Variants in UBE2F observed in about 807,000 individuals in gnomAD.
UBE2F encodes NEDD8-conjugating enzyme UBE2F.
A neutral mutation model predicts 29.6 loss-of-function variants in UBE2F; 5 were observed. The observed-to-expected ratio is 0.17, with a 90% CI of 0.09 to 0.36. The LOEUF (loss-of-function observed/expected upper bound fraction) is 0.36, where lower values mean the gene tolerates loss of function less well. Ranked by LOEUF, UBE2F falls within the 10% of genes least tolerant of loss-of-function variation. The probability of loss-of-function intolerance (pLI) is 1.00; values close to 1 mark genes in which losing one functional copy is unlikely to be tolerated. For missense variants in UBE2F, 141 were observed against 228.5 expected, an observed-to-expected ratio of 0.62 and a Z score of 2.47; for synonymous variants, 66 against 81.8, an observed-to-expected ratio of 0.81 and a Z score of 1.04.
At position 237,978,097 on chromosome 2, in the gene UBE2F, G is replaced by A. The variant is rs548860175; in HGVS notation, c.118+4872G>A. Among the ~76,000 whole-genome samples, 6 of 152,314 alleles carry A rather than the reference G, an allele frequency of 3.9e-5. No homozygotes were observed. The South Asian group carries it at 1.2e-3, about 32-fold the overall frequency. On this transcript the variant is annotated intron_variant, in intron 2 of 9. Transcript: ENST00000272930. ...AGCACAAGCACAGCCCTTCAGAGCT[G>A]TCCCCAGTCTGGTGAGATAGTCAGG...
chr2:237,967,254 T>A lies in UBE2F; in HGVS notation c.-17+122T>A. 1.6e-6 allele frequency: 1 copy of A among 642,384 alleles called. No homozygotes were observed. The highest frequency in any genetic ancestry group is 1.9e-6 in the Non-Finnish European group (1 of 518,892). The allele number at this position is 642,384 out of a possible 1,614,324, so 39.8% of individuals were successfully genotyped here. On this transcript the variant is annotated intron_variant, in intron 1 of 9. Transcript: ENST00000272930. The surrounding 1 kb of genome is among the most constrained non-coding windows in gnomAD (Gnocchi z 6.3). ...GGCCGCCTCGGGCCCGCCGGGTTCC[T>A]CACGCCGGGGGCCTGGCGGGCGCGG... is the stretch of plus-strand genomic sequence containing the variant.
chr2:237,967,240 G>C lies in UBE2F; in HGVS notation c.-17+108G>C, dbSNP rs1166026959. 3 of 771,040 alleles carry C rather than the reference G, an allele frequency of 3.9e-6. No homozygotes were observed. Among genetic ancestry groups the C allele is most frequent in the Non-Finnish European group, 4.7e-6 (3 of 635,426 alleles). The allele number at this position is 771,040 out of a possible 1,614,324, so 47.8% of individuals were successfully genotyped here. ...GCGGGCGGTGGCGGGGCCGCCTCGG[G>C]CCCGCCGGGTTCCTCACGCCGGGGG... On this transcript the variant is annotated intron_variant, in intron 1 of 9. Transcript: ENST00000272930. This position sits in a 1 kb window ranked among gnomAD's most constrained non-coding sequence, Gnocchi z 6.3.
At chr2:237,983,278 C>T (rs1171210975) in intron 2 of UBE2F, among the ~76,000 whole-genome samples, 1 of 152,270 alleles carries the variant, frequency 6.6e-6, no homozygotes, top group Non-Finnish European at 1.5e-5. Flanking sequence ...CCACACTCAG[C>T]TCCGCTGAAG....
rs2063401814 is a variant in UBE2F at position 237,982,544 on chromosome 2, C to T, written c.119-5419C>T. ...AAAGCTGGATGACAGGAGTTATCAC[C>T]CTCTACTGAGGTGGCTTGGGCCACT... On this transcript the variant is annotated intron_variant, in intron 2 of 9. Transcript: ENST00000272930. The surrounding 1 kb of genome is among the most constrained non-coding windows in gnomAD (Gnocchi z 4.1). 6.6e-6 allele frequency among the ~76,000 whole-genome samples: 1 copy of T among 152,144 alleles called. No homozygotes were observed. Among genetic ancestry groups the T allele is most frequent in the Non-Finnish European group, 1.5e-5 (1 of 68,032 alleles).
chr2:238,017,573 C>G (rs1300777189), intron 5 of UBE2F, among the ~76,000 whole-genome samples: 1 of 152,112 alleles, frequency 6.6e-6, no homozygotes, highest in African/African-American at 2.4e-5. Flanking sequence ...TTCCACACCC[C>G]CAAGTTGGGG....
chr2:238,027,865 C>T (rs2064469961), intron 6 of UBE2F, among the ~76,000 whole-genome samples: 1 of 152,212 alleles, frequency 6.6e-6, no homozygotes, highest in African/African-American at 2.4e-5. Flanking sequence ...CACACAGGAG[C>T]ACCTTCCTCT....
chr2:237,990,272 G>A (rs1296234140), intron 3 of UBE2F, among the ~76,000 whole-genome samples: 1 of 151,512 alleles, frequency 6.6e-6, no homozygotes, highest in African/African-American at 2.4e-5. Context: ...GCTGGGGGAT[G>A]GGTTCATTAT....
intron 2 of UBE2F, among the ~76,000 whole-genome samples, chr2:237,974,501 G>GTTTTTTTTTTTTTTTTTTTT (rs370519965): frequency 2.8e-5 from 3 of 108,582 alleles, no homozygotes; most frequent in African/African-American, 7.6e-5. Flanking sequence ...AATTTTTGTG[G>GTTTTTTTTTTTTTTTTTTTT]TTTTTTTTTT....
In UBE2F at chr2:238,035,901, A is replaced by G; in HGVS notation, c.468A>G (p.Pro156=). Residue 156 remains proline, a synonymous_variant, in exon 9 of 10, where the codon CCA becomes CCG. Transcript: ENST00000272930. The part of the protein sequence containing the change: ...LFTDLLNFDD[P]LNIEAAEHHL... The stretch of plus-strand genomic sequence containing the variant: ...AGGATCTTTTGAATTTTGATGATCC[A>G]CTGAATATTGAAGCTGCAGAACATC... The G allele has an allele frequency of 6.2e-7, 1 of 1,613,054 alleles. No homozygotes were observed. The highest frequency in any genetic ancestry group is 8.5e-7 in the Non-Finnish European group (1 of 1,179,944).
intron 5 of UBE2F, among the ~76,000 whole-genome samples, chr2:238,018,225 G>A (rs1028615271): frequency 6.6e-6 from 1 of 151,988 alleles, no homozygotes; most frequent in African/African-American, 2.4e-5. Context: ...TAGAATTTGG[G>A]GACTCTTTGG....
chr2:237,969,401 G>A (rs547976014), intron 1 of UBE2F, among the ~76,000 whole-genome samples: 2 of 152,286 alleles, frequency 1.3e-5, no homozygotes, highest in East Asian at 3.9e-4. Flanking sequence ...GCTGCATGTG[G>A]CCCTGGTGCT....
At chr2:237,969,127 A>G (rs530116608) in intron 1 of UBE2F, among the ~76,000 whole-genome samples, 2 of 152,318 alleles carry the variant, frequency 1.3e-5, no homozygotes, top group East Asian at 3.9e-4. Flanking sequence ...CTTTCTATGG[A>G]AAACAAAGCA....
At chr2:238,012,920 C>A (rs1034183735) in intron 4 of UBE2F, among the ~76,000 whole-genome samples, 7 of 152,178 alleles carry the variant, frequency 4.6e-5, no homozygotes, top group Non-Finnish European at 1.0e-4. Flanking sequence ...AGTGTCTGAA[C>A]CCAAGACACT....
At chr2:237,988,094 G>A (rs1422134873) in intron 3 of UBE2F, 102 bp downstream of exon 3, 3 of 657,392 alleles carry the variant, frequency 4.6e-6, no homozygotes, top group Non-Finnish European at 2.5e-6. Flanking sequence ...TATTTTTCAT[G>A]TATGTTAGGA....
intron 3 of UBE2F, among the ~76,000 whole-genome samples, chr2:237,988,407 C>T (rs1158736029): frequency 6.6e-6 from 1 of 151,044 alleles, no homozygotes; most frequent in East Asian, 1.9e-4. Context: ...GAGATCAGGC[C>T]ACTGCACTCC....
intron 4 of UBE2F, among the ~76,000 whole-genome samples, chr2:238,003,939 A>G (rs181796293): frequency 7.6e-4 from 116 of 152,304 alleles, no homozygotes; most frequent in Non-Finnish European, 1.4e-3. Flanking sequence ...GCCCCTGGCA[A>G]TCATCGACCT....
intron 8 of UBE2F, among the ~76,000 whole-genome samples, chr2:238,034,856 C>CTCA (rs1235203545): frequency 1.3e-5 from 2 of 152,046 alleles, no homozygotes; most frequent in Non-Finnish European, 2.9e-5. Flanking sequence ...AAAGCCATGA[C>CTCA]TCATCATAAG....
intron 1 of UBE2F, among the ~76,000 whole-genome samples, chr2:237,972,041 A>C (rs2063186480): frequency 6.6e-6 from 1 of 152,234 alleles, no homozygotes; most frequent in Non-Finnish European, 1.5e-5. Flanking sequence ...TGTCCCTACT[A>C]GTGAGCTTGC....
chr2:237,994,914 T>G, intron 4 of UBE2F, 105 bp downstream of exon 4: 1 of 802,794 alleles, frequency 1.2e-6, no homozygotes, highest in Non-Finnish European at 2.1e-6. Context: ...TTTAAAAGAT[T>G]AACACATTAA....
Sources: allele counts gnomAD v4.1 joint callset (sites outside exome capture counted in the v4.1 genomes callset), GRCh38; gene constraint gnomAD v4.1.1; non-coding constraint Gnocchi (gnomAD v3.1); transcripts MANE v1.5; gene names NCBI Gene and HGNC (gene_info 2026-07-23, HGNC 2026-07-21).